Variants in SLC25A21 observed in about 807,000 individuals in gnomAD.
SLC25A21 encodes the protein solute carrier family 25 member 21.
A neutral mutation model predicts 43.8 loss-of-function variants in SLC25A21; 47 were observed. The observed-to-expected ratio is 1.07, with a 90% CI of 0.85 to 1.37. The LOEUF is 1.37. SLC25A21 is among the 40% of genes most tolerant of loss of function. The pLI is 0.00. For missense variants in SLC25A21, 352 were observed against 350.2 expected (o/e 1.00, Z -0.04); for synonymous variants, 131 against 121.3 (o/e 1.08, Z -0.52).
intron 2 of SLC25A21, among the ~76,000 whole-genome samples, chr14:36,827,519 T>C (rs1434570548): frequency 6.6e-6 from 1 of 152,208 alleles, no homozygotes; most frequent in Non-Finnish European, 1.5e-5. Context: ...TGGCAGATCT[T>C]TCCTTTTTTG....
intron 7 of SLC25A21, 103 bp from the exon 8 acceptor site, chr14:36,685,028 G>T (rs1438063234): frequency 2.5e-6 from 2 of 794,090 alleles, no homozygotes; most frequent in African/African-American, 1.7e-5. Context: ...TTGCACTCCC[G>T]GCACCCTCCT....
intron 1 of SLC25A21, among the ~76,000 whole-genome samples, chr14:36,934,537 A>T (rs1024709505): frequency 1.3e-5 from 2 of 151,950 alleles, no homozygotes; most frequent in Non-Finnish European, 2.9e-5. Context: ...GCTATAAATC[A>T]CCAGCCACCA....
At chr14:36,967,263 C>T (rs558707280) in intron 1 of SLC25A21, among the ~76,000 whole-genome samples, 1 of 152,222 alleles carries the variant, frequency 6.6e-6, no homozygotes, top group African/African-American at 2.4e-5. Context: ...GTGGTTCTAC[C>T]ACATTCCCAC....
In SLC25A21 at chr14:37,023,696, T is replaced by C. The variant is rs1159675455; in HGVS notation, c.70+148585A>G. On this transcript the variant is annotated intron_variant, in intron 1 of 9. Coordinates refer to ENST00000331299, the MANE Select transcript of SLC25A21 (RefSeq NM_030631.4). ...TGAACTCCCAGAACACCCTTCCAAA[T>C]ATTCTTTGCTCCTACTTAGGCTTGC... 3.3e-5 allele frequency among the ~76,000 whole-genome samples: 5 copies of C among 152,038 alleles called. No homozygotes were observed. In the East Asian group the frequency reaches 5.8e-4, roughly 18 times the overall value.
Position 36,967,049 on chromosome 14 carries a change from C to T in SLC25A21, c.71-92045G>A, listed in dbSNP as rs148524368. On this transcript the variant is annotated intron_variant, in intron 1 of 9. Transcript: ENST00000331299. Reference sequence around the variant, plus strand: ...GACAGTCAACAAAATGTACCTGCCGCCACAACCAACTCTTGTATGAGAACT... The same window carrying T: ...GACAGTCAACAAAATGTACCTGCCGTCACAACCAACTCTTGTATGAGAACT... Among the ~76,000 whole-genome samples, 3 of 152,244 alleles carry T rather than the reference C, an allele frequency of 2.0e-5. 1 individual carries two copies. In the East Asian group the frequency reaches 5.8e-4, roughly 29 times the overall value.
intron 2 of SLC25A21, among the ~76,000 whole-genome samples, chr14:36,851,652 A>G (rs1204252032): frequency 1.3e-5 from 2 of 152,250 alleles, no homozygotes; most frequent in Non-Finnish European, 2.9e-5. Flanking sequence ...TGGGGATTAG[A>G]AAAACTGCAA....
intron 3 of SLC25A21, among the ~76,000 whole-genome samples, chr14:36,804,861 A>C (rs2138426799): frequency 6.6e-6 from 1 of 152,338 alleles, no homozygotes; most frequent in Admixed American, 6.5e-5. Context: ...GTTCGGTTTT[A>C]ACGACCACTA....
intron 1 of SLC25A21, among the ~76,000 whole-genome samples, chr14:36,876,679 T>C (rs1225089921): frequency 6.6e-6 from 1 of 152,046 alleles, no homozygotes; most frequent in African/African-American, 2.4e-5. Context: ...GAATTTTTGT[T>C]CTGGTGCCTT....
chr14:37,068,765 T>A (rs535416911), intron 1 of SLC25A21, among the ~76,000 whole-genome samples: 2 of 152,284 alleles, frequency 1.3e-5, no homozygotes, highest in African/African-American at 4.8e-5. Flanking sequence ...GTAACAGGCA[T>A]AAAGATCATA....
At chr14:36,700,165 AGGCATGAGTCACT>A (rs764146763) in intron 7 of SLC25A21, among the ~76,000 whole-genome samples, 41 of 152,218 alleles carry the variant, frequency 2.7e-4, no homozygotes, top group Non-Finnish European at 5.1e-4. Flanking sequence ...CGAGGATTAC[AGGCATGAGTCACT>A]GTGCCCAGAC....
chr14:36,941,822 G>A (rs2138650113), intron 1 of SLC25A21, among the ~76,000 whole-genome samples: 1 of 152,048 alleles, frequency 6.6e-6, no homozygotes, highest in South Asian at 2.1e-4. Flanking sequence ...TAGAGGTTGT[G>A]TGAAAATAGT....
chr14:36,823,439 G>A (rs1888707982), intron 2 of SLC25A21, among the ~76,000 whole-genome samples: 1 of 152,098 alleles, frequency 6.6e-6, no homozygotes, highest in Admixed American at 6.6e-5. Context: ...ATGTATGTAT[G>A]TATACACATA....
At chr14:36,888,166 C>T (rs1890976174) in intron 1 of SLC25A21, among the ~76,000 whole-genome samples, 1 of 152,152 alleles carries the variant, frequency 6.6e-6, no homozygotes, top group Non-Finnish European at 1.5e-5. Context: ...AATTCTGTTG[C>T]TTAGCCTACT....
chr14:36,984,547 ATATTT>A (rs78412463), intron 1 of SLC25A21, among the ~76,000 whole-genome samples: 30,191 of 151,576 alleles, frequency 0.2, 3,198 homozygotes, highest in East Asian at 0.35. Flanking sequence ...GCTTGTTTAA[ATATTT>A]TATAATATTT....
At chr14:36,978,413 T>C (rs564214062) in intron 1 of SLC25A21, among the ~76,000 whole-genome samples, 14 of 152,284 alleles carry the variant, frequency 9.2e-5, no homozygotes, top group African/African-American at 3.4e-4. Context: ...TAATTAAAAA[T>C]ATTTTATTGC....
chr14:37,163,673 A>G (rs1418940557), intron 1 of SLC25A21, among the ~76,000 whole-genome samples: 1 of 152,166 alleles, frequency 6.6e-6, no homozygotes, highest in African/African-American at 2.4e-5. Flanking sequence ...AGATACCACC[A>G]GGGAAGGGTG....
At chr14:36,912,979 CT>C (rs367973849) in intron 1 of SLC25A21, among the ~76,000 whole-genome samples, 77 of 151,580 alleles carry the variant, frequency 5.1e-4, no homozygotes, top group South Asian at 3.1e-3. Context: ...AACCTTTCTC[CT>C]TTTTTTTTCC....
chr14:36,881,478 C>T (rs1429958237), intron 1 of SLC25A21, among the ~76,000 whole-genome samples: 1 of 152,064 alleles, frequency 6.6e-6, no homozygotes, highest in African/African-American at 2.4e-5. Flanking sequence ...GTGGAAAAAC[C>T]ACATCAAAAG....
At chr14:36,705,919 C>G (rs1303928575) in intron 7 of SLC25A21, among the ~76,000 whole-genome samples, 1 of 152,166 alleles carries the variant, frequency 6.6e-6, no homozygotes, top group Non-Finnish European at 1.5e-5. Context: ...TCAAGGAACA[C>G]CACCTCCTCA....
Sources: gnomAD v4.1 joint callset for allele counts (sites outside exome capture counted in the v4.1 genomes callset) on GRCh38, gnomAD v4.1.1 for gene constraint, MANE v1.5 for transcripts, NCBI Gene and HGNC (gene_info 2026-07-23, HGNC 2026-07-21) for gene names.